POLR3B: variants seen among roughly 807,000 people sequenced by gnomAD.
POLR3B encodes RNA polymerase III subunit B.
POLR3B carries 96 observed loss-of-function variants against 147.4 expected under a neutral mutation model. The observed-to-expected ratio is 0.65, with a 90% CI of 0.55 to 0.77. The LOEUF (loss-of-function observed/expected upper bound fraction) is 0.77. Ranked by LOEUF, POLR3B falls within the 30% of genes least tolerant of loss-of-function variation. The pLI, the probability that POLR3B is intolerant of heterozygous loss-of-function variation, is 0.00. For synonymous variants in POLR3B, 461 were observed against 485.9 expected, an observed-to-expected ratio of 0.95 and a Z score of 0.67; for missense variants, 1,036 against 1,413.5, an observed-to-expected ratio of 0.73 and a Z score of 4.28.
chr12:106,368,682 C>T (rs911735128), intron 4 of POLR3B, among the ~76,000 whole-genome samples: 4 of 151,988 alleles, frequency 2.6e-5, no homozygotes, highest in African/African-American at 9.7e-5. Context: ...AATATTGTCT[C>T]CCAGGGTTAC....
Position 106,504,129 on chromosome 12 carries a change from A to G in POLR3B, c.3147A>G (p.Glu1049=), listed in dbSNP as rs772975950. The G allele has an allele frequency of 3.9e-5, 63 of 1,614,206 alleles. 2 individuals carry two copies. The South Asian group carries it at 6.8e-4, about 17-fold the overall frequency. ...GTGATGGTGGCTTGCGTCTCGGGGA[A>G]ATGGAACGTGACTGTTTAATCGGTT... ...RSRDGGLRLG[E]MERDCLIGYG... The change falls in exon 27 of 28, where the codon GAA becomes GAG. Residue 1049 remains glutamate (E), a synonymous_variant. Coordinates refer to ENST00000228347, the MANE Select transcript of POLR3B (RefSeq NM_018082.6). This position sits in a 1 kb window ranked among gnomAD's most constrained non-coding sequence, Gnocchi z 4.6.
intron 18 of POLR3B, among the ~76,000 whole-genome samples, chr12:106,442,679 T>A (rs2037668718): frequency 6.6e-6 from 1 of 150,716 alleles, no homozygotes; most frequent in South Asian, 2.1e-4. Context: ...TTTTACCAGG[T>A]ACATTCCATT....
chr12:106,495,879 TGA>T, intron 23 of POLR3B, 174 bp from the exon 24 acceptor site: 5 of 709,526 alleles, frequency 7.0e-6, no homozygotes, highest in East Asian at 2.6e-5. Flanking sequence ...GAGTCGTTTT[TGA>T]ACTGTTTGTC....
intron 11 of POLR3B, among the ~76,000 whole-genome samples, chr12:106,408,398 C>A (rs1213923372): frequency 6.6e-6 from 1 of 152,156 alleles, no homozygotes; most frequent in Non-Finnish European, 1.5e-5. Flanking sequence ...AGAACATTCC[C>A]TGGACTAGTA....
chr12:106,411,719 A>G (rs955460824), intron 12 of POLR3B, among the ~76,000 whole-genome samples: 9 of 152,190 alleles, frequency 5.9e-5, no homozygotes, highest in East Asian at 3.9e-4. Context: ...TTTTGGTGAC[A>G]TGGTAGAGGT....
At chr12:106,485,477 G>C (rs1386622961) in intron 23 of POLR3B, among the ~76,000 whole-genome samples, 1 of 152,186 alleles carries the variant, frequency 6.6e-6, no homozygotes, top group African/African-American at 2.4e-5. Flanking sequence ...GAAGGGGGCA[G>C]GGAGACCATT....
At position 106,357,796 on chromosome 12, in the gene POLR3B, G is replaced by C; in HGVS notation, c.-84G>C. Reference sequence around the variant, plus strand: ...GGGACAGTTTAGGCCTCCGCGCACCGTTCGCCGGGAGTCTTGCAGTTTGCT... The same window carrying C: ...GGGACAGTTTAGGCCTCCGCGCACCCTTCGCCGGGAGTCTTGCAGTTTGCT... On this transcript the variant is annotated 5_prime_UTR_variant, in exon 1 of 28. Transcript: ENST00000228347. 1 of 1,363,650 alleles carries C rather than the reference G, an allele frequency of 7.3e-7. No homozygotes were observed. Among genetic ancestry groups the C allele is most frequent in the Non-Finnish European group, 1.0e-6 (1 of 972,970 alleles). The allele number at this position is 1,363,650 out of a possible 1,614,324, so 84.5% of individuals were successfully genotyped here. A position where few individuals can be genotyped will look rare whatever the true frequency, so the allele number is the denominator to read the frequency against.
chr12:106,455,782 TA>T (rs2037857291), intron 20 of POLR3B, among the ~76,000 whole-genome samples: 1 of 152,178 alleles, frequency 6.6e-6, no homozygotes. Flanking sequence ...ATTATGGCCA[TA>T]CACAATTTCC....
At chr12:106,467,629 C>T (rs550338511) in intron 23 of POLR3B, among the ~76,000 whole-genome samples, 10 of 152,212 alleles carry the variant, frequency 6.6e-5, no homozygotes, top group African/African-American at 1.9e-4. Flanking sequence ...TATGTTCCAT[C>T]GATACCTGGT....
intron 6 of POLR3B, among the ~76,000 whole-genome samples, chr12:106,374,203 T>C (rs2036646744): frequency 1.3e-5 from 2 of 152,090 alleles, no homozygotes; most frequent in African/African-American, 4.8e-5. Flanking sequence ...GTACCAAATT[T>C]TTGTTCTATC....
chr12:106,446,297 G>A (rs1037949458), intron 19 of POLR3B: 3 of 455,466 alleles, frequency 6.6e-6, no homozygotes, highest in African/African-American at 6.0e-5. Context: ...CCACTCTTCA[G>A]TGTGTTTGAA....
chr12:106,366,836 C>T (rs2036542639), intron 4 of POLR3B, 114 bp downstream of exon 4: 2 of 883,696 alleles, frequency 2.3e-6, no homozygotes, highest in Non-Finnish European at 3.7e-6. Context: ...GGCTCGGTGG[C>T]TTATGCCTGT....
At chr12:106,451,644 GAGA>G (rs2037798689) in intron 19 of POLR3B, among the ~76,000 whole-genome samples, 4 of 126,770 alleles carry the variant, frequency 3.2e-5, no homozygotes, top group African/African-American at 1.2e-4. Flanking sequence ...GGGGGGGGAG[GAGA>G]GGGGAGGGAA....
At chr12:106,402,803 T>G (rs1347772309) in intron 10 of POLR3B, among the ~76,000 whole-genome samples, 2 of 152,154 alleles carry the variant, frequency 1.3e-5, no homozygotes, top group Non-Finnish European at 2.9e-5. Flanking sequence ...TATACAAAAA[T>G]TAATTCCAGA....
At chr12:106,414,922 A>C (rs1475039455) in intron 12 of POLR3B, among the ~76,000 whole-genome samples, 2 of 152,118 alleles carry the variant, frequency 1.3e-5, no homozygotes, top group African/African-American at 4.8e-5. Flanking sequence ...TTGAATTCTG[A>C]TATTCTTTCT....
chr12:106,463,212 T>A (rs1476079556), intron 22 of POLR3B, among the ~76,000 whole-genome samples: 1 of 152,200 alleles, frequency 6.6e-6, no homozygotes, highest in African/African-American at 2.4e-5. Flanking sequence ...GCATCAGTTT[T>A]CCTCATCTAT....
intron 12 of POLR3B, among the ~76,000 whole-genome samples, chr12:106,424,471 T>G (rs1321752320): frequency 2.0e-5 from 3 of 152,200 alleles, no homozygotes; most frequent in African/African-American, 7.2e-5. Context: ...ATTATCTCAT[T>G]AGGGCATGCA....
Position 106,457,237 on chromosome 12 carries a change from C to T in POLR3B, c.2393C>T (p.Ala798Val), listed in dbSNP as rs1292251316. 1 of 1,613,546 alleles carries T rather than the reference C, an allele frequency of 6.2e-7. No individual in the cohort carries two copies. The highest frequency in any genetic ancestry group is 2.2e-5 in the East Asian group (1 of 44,872). ...GTGATGGGGCCCATGTTGGATGCTGCTACAAGGAAACCTATCTGGCGACAT... is the reference window on the plus strand; with the variant it reads ...GTGATGGGGCCCATGTTGGATGCTGTTACAAGGAAACCTATCTGGCGACAT... ...DKVMGPMLDA[A>V]TRKPIWRHEI... The change falls in exon 21 of 28, where the codon GCT becomes GTT. Residue 798 changes from alanine (A) to valine (V), a missense_variant. This residue lies in a region of POLR3B where 202 missense variants were observed against 272.8 expected (regional missense o/e 0.74). Transcript: ENST00000228347.
chr12:106,444,408 A>G, intron 18 of POLR3B, 55 bp from the exon 19 acceptor site: 1 of 1,584,872 alleles, frequency 6.3e-7, no homozygotes, highest in African/African-American at 1.3e-5. Flanking sequence ...CCTTTAAAAG[A>G]CATTTATTTT....
Sources: gnomAD v4.1 joint callset for allele counts (sites outside exome capture counted in the v4.1 genomes callset) on GRCh38, gnomAD v4.1.1 for gene constraint, gnomAD v4.1.1 regional missense constraint, Gnocchi (gnomAD v3.1) non-coding constraint, MANE v1.5 for transcripts, NCBI Gene and HGNC (gene_info 2026-07-23, HGNC 2026-07-21) for gene names.